The following PALS1 variants were observed in gnomAD, a reference collection of about 807,000 sequenced individuals.
PALS1 encodes the protein protein PALS1.
Under a neutral mutation model 78.9 loss-of-function variants are expected in PALS1, and 31 were observed. The ratio of observed to expected loss-of-function variants is 0.39; its 90% CI spans 0.30 to 0.53. The LOEUF (loss-of-function observed/expected upper bound fraction) is 0.53. PALS1 is among the 20% of genes least tolerant of loss of function. The pLI, the probability that PALS1 is intolerant of heterozygous loss-of-function variation, is 0.67. For missense variants in PALS1, 704 were observed against 826.5 expected, an observed-to-expected ratio of 0.85 and a Z score of 1.82; for synonymous variants, 276 against 270.9, an observed-to-expected ratio of 1.02 and a Z score of -0.18.
At chr14:67,289,444 T>C (rs1325929285) in intron 3 of PALS1, among the ~76,000 whole-genome samples, 4 of 152,148 alleles carry the variant, frequency 2.6e-5, no homozygotes, top group Admixed American at 1.3e-4. Context: ...CCATTTTATA[T>C]AAGGGACTTG....
chr14:67,297,079 C>T (rs1002248225), intron 4 of PALS1, among the ~76,000 whole-genome samples: 31 of 152,182 alleles, frequency 2.0e-4, no homozygotes, highest in Admixed American at 1.9e-3. Context: ...AATAATACCA[C>T]ATGTGTGACA....
At chr14:67,324,063 T>A (rs948805052) in intron 14 of PALS1, among the ~76,000 whole-genome samples, 10 of 152,212 alleles carry the variant, frequency 6.6e-5, no homozygotes, top group African/African-American at 2.2e-4. Flanking sequence ...TCTAGGGAGA[T>A]GTGACTGCCA....
At chr14:67,265,974 G>A (rs1028580846) in intron 1 of PALS1, among the ~76,000 whole-genome samples, 2 of 151,902 alleles carry the variant, frequency 1.3e-5, no homozygotes, top group African/African-American at 4.8e-5. Flanking sequence ...ATCTGTAAAA[G>A]TATTATTTAT....
intron 3 of PALS1, among the ~76,000 whole-genome samples, chr14:67,289,180 C>A (rs1179405457): frequency 2.0e-5 from 3 of 151,910 alleles, no homozygotes; most frequent in African/African-American, 7.3e-5. Context: ...GTTGGCCAGG[C>A]TGGTCTCAAA....
intron 3 of PALS1, among the ~76,000 whole-genome samples, chr14:67,280,853 T>TTCCCTCCCTCCCTCCCTCCCTCCC (rs71446332): frequency 1.3e-5 from 1 of 77,610 alleles, no homozygotes; most frequent in African/African-American, 1.0e-4. Flanking sequence ...CCTTCCTTCC[T>TTCCCTCCCTCCCTCCCTCCCTCCC]TCCCTCCCTC....
At chr14:67,325,030 T>C (rs905825136) in intron 14 of PALS1, among the ~76,000 whole-genome samples, 2 of 146,402 alleles carry the variant, frequency 1.4e-5, no homozygotes, top group African/African-American at 5.0e-5. Flanking sequence ...TCAGCCTCCC[T>C]AGCAGCTGGG....
At chr14:67,264,867 AG>A (rs2084295680) in intron 1 of PALS1, among the ~76,000 whole-genome samples, 1 of 152,226 alleles carries the variant, frequency 6.6e-6, no homozygotes, top group South Asian at 2.1e-4. Context: ...TTTACATCTG[AG>A]AAAGATGTAT....
At chr14:67,283,912 C>G (rs559850707) in intron 3 of PALS1, among the ~76,000 whole-genome samples, 1 of 152,236 alleles carries the variant, frequency 6.6e-6, no homozygotes, top group East Asian at 1.9e-4. Context: ...CGTTGTCTTA[C>G]GGCACATTCA....
At chr14:67,275,627 T>C (rs2084491029) in intron 2 of PALS1, among the ~76,000 whole-genome samples, 1 of 152,208 alleles carries the variant, frequency 6.6e-6, no homozygotes, top group South Asian at 2.1e-4. Context: ...AGGATGATGC[T>C]GGCCTCATAA....
chr14:67,286,105 T>C lies in PALS1; in HGVS notation c.368-6406T>C, dbSNP rs1040369693. 3.3e-4 allele frequency among the ~76,000 whole-genome samples: 50 copies of C among 152,364 alleles called. 1 individual carries two copies. Among genetic ancestry groups the C allele is most frequent in the African/African-American group, 1.2e-3 (50 of 41,582 alleles). On this transcript the variant is annotated intron_variant, in intron 3 of 14. Coordinates refer to ENST00000261681, the MANE Select transcript of PALS1 (RefSeq NM_022474.4). ...AAACTAGATATAAAGAAATTCCTTG[T>C]AGGAAATTTGTTACAGACTTGAATT...
chr14:67,324,331 G>A (rs752408851), intron 14 of PALS1, among the ~76,000 whole-genome samples: 1 of 152,084 alleles, frequency 6.6e-6, no homozygotes, highest in Non-Finnish European at 1.5e-5. Context: ...CTGATAACAT[G>A]TTATTAATAA....
intron 3 of PALS1, among the ~76,000 whole-genome samples, chr14:67,286,313 TTGTC>T (rs1440608032): frequency 1.3e-5 from 2 of 152,178 alleles, no homozygotes; most frequent in Non-Finnish European, 2.9e-5. Flanking sequence ...CTTGTGTCTG[TTGTC>T]TGTCTGTATG....
chr14:67,316,405 T>G (rs1295463927), intron 9 of PALS1, among the ~76,000 whole-genome samples: 1 of 150,870 alleles, frequency 6.6e-6, no homozygotes, highest in East Asian at 2.2e-4. Flanking sequence ...TTCTTGGAAT[T>G]GAATATGGAA....
chr14:67,246,878 C>G (rs1318028776), intron 1 of PALS1, among the ~76,000 whole-genome samples: 1 of 152,100 alleles, frequency 6.6e-6, no homozygotes, highest in Admixed American at 6.6e-5. Flanking sequence ...TCTTGATCTC[C>G]TGACCTCGTG....
In PALS1 at chr14:67,302,463, AG is replaced by A. The variant is rs771377261; in HGVS notation, c.860del (p.Gly287ValfsTer16). ...DSVIISRIVK[G>X]GAAEKSGLLH... ...CTGTCATCATTAGCCGGATAGTAAA[AG>A]GGGGTGCTGCAGAGAAAAGTGGTCT... On this transcript the variant is annotated frameshift_variant, in exon 7 of 15. Transcript: ENST00000261681. LOFTEE classifies it high-confidence loss of function. 6.3e-7 allele frequency: 1 copy of A among 1,599,558 alleles called. No individual in the cohort carries two copies. The highest frequency in any genetic ancestry group is 8.5e-7 in the Non-Finnish European group (1 of 1,172,772).
intron 3 of PALS1, among the ~76,000 whole-genome samples, chr14:67,289,664 T>C (rs2084742865): frequency 6.6e-6 from 1 of 152,126 alleles, no homozygotes; most frequent in South Asian, 2.1e-4. Flanking sequence ...TTAACTGCTG[T>C]TCAAATTGTG....
At chr14:67,279,789 GC>G (rs1239183677) in intron 3 of PALS1, 3 of 379,362 alleles carry the variant, frequency 7.9e-6, no homozygotes, top group Non-Finnish European at 1.4e-5. Context: ...TTCTGCATGG[GC>G]CCTAACATTT....
intron 1 of PALS1, among the ~76,000 whole-genome samples, chr14:67,263,251 A>T (rs921046379): frequency 6.6e-6 from 1 of 152,212 alleles, no homozygotes; most frequent in African/African-American, 2.4e-5. Flanking sequence ...GAAAAGAATC[A>T]TGATGCTCTC....
At chr14:67,322,467 T>C (rs996279987) in intron 13 of PALS1, among the ~76,000 whole-genome samples, 4 of 152,202 alleles carry the variant, frequency 2.6e-5, no homozygotes, top group African/African-American at 7.2e-5. Context: ...CTTTCCTTAA[T>C]GTGGTAGAAT....
Sources: allele counts gnomAD v4.1 joint callset (sites outside exome capture counted in the v4.1 genomes callset), GRCh38; gene constraint gnomAD v4.1.1; transcripts MANE v1.5; gene names NCBI Gene and HGNC (gene_info 2026-07-23, HGNC 2026-07-21).